Variants in MTERF4 observed in about 807,000 individuals in gnomAD.
MTERF4 encodes the protein mitochondrial transcription termination factor 4.
In MTERF4, 17 loss-of-function variants were observed where a neutral mutation model predicts 22.5. That is an observed-to-expected ratio of 0.75 (90% CI 0.52 to 1.13). The LOEUF is 1.13. MTERF4 is among the 50% of genes most tolerant of loss of function. MTERF4 has a pLI of 0.00. For missense variants in MTERF4, 420 were observed against 466.8 expected, an observed-to-expected ratio of 0.90 and a Z score of 0.92; for synonymous variants, 165 against 175.3, an observed-to-expected ratio of 0.94 and a Z score of 0.47.
At chr2:241,070,312 G>T, downstream of MTERF4, 1 of 1,162,616 alleles carries the variant, frequency 8.6e-7, no homozygotes, top group Non-Finnish European at 1.2e-6. Context: ...AGACAGCCTA[G>T]AAACAGGACC....
chr2:241,056,579 A>ATTTTTTT, the MTERF4 span, among the ~76,000 whole-genome samples: 84 of 87,684 alleles, frequency 9.6e-4, 1 homozygote, highest in African/African-American at 5.2e-3. Context: ...GAATAAGTGA[A>ATTTTTTT]ATTTTTTTTT....
chr2:241,054,589 T>A, the MTERF4 span, among the ~76,000 whole-genome samples: 522 of 152,198 alleles, frequency 3.4e-3, 4 homozygotes, highest in Middle Eastern at 0.024. Context: ...GAAAATGGAT[T>A]AACGGTATAA....
At chr2:241,064,107 G>C in the MTERF4 span, 1 of 1,563,462 alleles carries the variant, frequency 6.4e-7, no homozygotes, top group South Asian at 1.2e-5. This position sits in a 1 kb window ranked among gnomAD's most constrained non-coding sequence, Gnocchi z 7.0. Flanking sequence ...GAGCTTCTTC[G>C]GCTACCACTG....
Position 241,096,667 on chromosome 2 carries a change from A to G in MTERF4, c.706-229T>C, listed in dbSNP as rs1271051463. The G allele has an allele frequency of 1.4e-6, 1 of 689,970 alleles. No homozygotes were observed. Among genetic ancestry groups the G allele is most frequent in the South Asian group, 1.5e-5 (1 of 66,498 alleles). The allele number at this position is 689,970 out of a possible 1,614,324, so 42.7% of individuals were successfully genotyped here. A position where few individuals can be genotyped will look rare whatever the true frequency, so the allele number is the denominator to read the frequency against. On this transcript the variant is annotated intron_variant, in intron 3 of 3. Coordinates refer to ENST00000391980, the MANE Select transcript of MTERF4 (RefSeq NM_182501.4). The surrounding 1 kb of genome is among the most constrained non-coding windows in gnomAD (Gnocchi z 5.1). ...AGCAGGAAATAAAGGGGTGGGAGGG[A>G]AAAGGGGCAGGAGGGAGAAGGGGCA...
chr2:241,063,304 AG>A, the MTERF4 span: 1 of 515,772 alleles, frequency 1.9e-6, no homozygotes, highest in Non-Finnish European at 3.5e-6. Context: ...GGCAAGGCCC[AG>A]GGAGCCGTGC....
the MTERF4 span, among the ~76,000 whole-genome samples, chr2:241,044,713 T>G: frequency 6.5e-4 from 99 of 152,300 alleles, 1 homozygote; most frequent in African/African-American, 2.2e-3. Flanking sequence ...GCCCTTAAAC[T>G]GCGAAGGAAG....
At chr2:241,097,495 C>T in intron 2 of MTERF4, 68 bp from the exon 3 acceptor site, 2 of 1,465,464 alleles carry the variant, frequency 1.4e-6, no homozygotes, top group Non-Finnish European at 1.9e-6. Context: ...GAGCTAGCTG[C>T]ACCCAATTTA....
rs772459466 is a variant in MTERF4 at position 241,096,073 on chromosome 2, A to ATCGTCATCC, written c.1070_1071insGGATGACGA (p.Asn356_Asp357insGluAspAsp). ...CGTCGTCCTCATCATCGTCATCCTC[A>ATCGTCATCC]TCATTGTCATCCTCATCATTGTCCT... On this transcript the variant is annotated inframe_insertion, in exon 4 of 4. Transcript: ENST00000391980. This position sits in a 1 kb window ranked among gnomAD's most constrained non-coding sequence, Gnocchi z 5.1. 17 of 1,610,796 alleles carry ATCGTCATCC rather than the reference A, an allele frequency of 1.1e-5. No homozygotes were observed. The African/African-American group carries it at 1.9e-4, about 18-fold the overall frequency.
At chr2:241,079,153 C>T (rs1575102691) in intron 4 of MTERF4, among the ~76,000 whole-genome samples, 1 of 145,936 alleles carries the variant, frequency 6.9e-6, no homozygotes, top group East Asian at 2.0e-4. Context: ...TGGCTCACAT[C>T]TGTAATCCCA....
the MTERF4 span, among the ~76,000 whole-genome samples, chr2:241,059,053 G>A: frequency 6.6e-6 from 1 of 152,188 alleles, no homozygotes; most frequent in African/African-American, 2.4e-5. Context: ...CCTACCTCGT[G>A]TTTACAGTGG....
chr2:241,094,536 C>A, downstream of MTERF4: 1 of 372,502 alleles, frequency 2.7e-6, no homozygotes, highest in South Asian at 2.1e-5. This position sits in a 1 kb window ranked among gnomAD's most constrained non-coding sequence, Gnocchi z 4.3. Flanking sequence ...AGGAACCCGG[C>A]TGAAAAACCA....
At chr2:241,045,712 G>T in the MTERF4 span, among the ~76,000 whole-genome samples, 1 of 125,444 alleles carries the variant, frequency 8.0e-6, no homozygotes. Context: ...GAAAACATAG[G>T]CAAAAAAAAA....
chr2:241,100,187 C>A (rs981004665), intron 1 of MTERF4, among the ~76,000 whole-genome samples: 2 of 152,136 alleles, frequency 1.3e-5, no homozygotes, highest in African/African-American at 4.8e-5. Flanking sequence ...TATTTCTAGG[C>A]CACCTGGTCA....
At chr2:241,064,180 C>G in the MTERF4 span, 1 of 1,245,772 alleles carries the variant, frequency 8.0e-7, no homozygotes, top group Non-Finnish European at 1.1e-6. This position sits in a 1 kb window ranked among gnomAD's most constrained non-coding sequence, Gnocchi z 7.0. Flanking sequence ...TCCCCGCCCT[C>G]TGCCCGCCTG....
the MTERF4 span, chr2:241,048,185 C>A: frequency 1.8e-6 from 2 of 1,116,622 alleles, no homozygotes; most frequent in Non-Finnish European, 2.5e-6. Flanking sequence ...CAGAAATAAG[C>A]TTCTGGCTTA....
chr2:241,089,305 A>T, downstream of MTERF4: 1 of 1,550,134 alleles, frequency 6.5e-7, no homozygotes, highest in Non-Finnish European at 8.7e-7. Flanking sequence ...GGTGGCGCAG[A>T]TGAGTGAGGC....
the MTERF4 span, among the ~76,000 whole-genome samples, chr2:241,056,446 A>G: frequency 6.6e-6 from 1 of 151,354 alleles, no homozygotes; most frequent in African/African-American, 2.5e-5. Context: ...GCTTAACAAA[A>G]TGGATACAAC....
At chr2:241,088,647 G>T, downstream of MTERF4, 1 of 537,116 alleles carries the variant, frequency 1.9e-6, no homozygotes, top group South Asian at 2.6e-5. Context: ...GGCTCTCTGT[G>T]GATAGGGCAA....
chr2:241,072,037 G>A (rs527491680), downstream of MTERF4: 995 of 734,686 alleles, frequency 1.4e-3, 5 homozygotes, highest in African/African-American at 0.015. Flanking sequence ...CGCGGGGCTC[G>A]TGGGCCGCCG....
Sources: allele counts gnomAD v4.1 joint callset (sites outside exome capture counted in the v4.1 genomes callset), GRCh38; gene constraint gnomAD v4.1.1; non-coding constraint Gnocchi (gnomAD v3.1); transcripts MANE v1.5; gene names NCBI Gene and HGNC (gene_info 2026-07-23, HGNC 2026-07-21).